Variants in AGBL4 observed in about 807,000 individuals in gnomAD.
AGBL4 encodes AGBL carboxypeptidase 4, also known as cytosolic carboxypeptidase 6.
Under a neutral mutation model 66.4 loss-of-function variants are expected in AGBL4, and 58 were observed. That is an observed-to-expected ratio of 0.87 (90% CI 0.71 to 1.09). AGBL4 has a LOEUF of 1.09. Among genes scored for constraint, AGBL4 ranks in the 50% least tolerant of loss-of-function variants. The probability of loss-of-function intolerance (pLI) is 0.00; values close to 1 mark genes in which losing one functional copy is unlikely to be tolerated. For synonymous variants in AGBL4, 234 were observed against 222.9 expected, an observed-to-expected ratio of 1.05 and a Z score of -0.44; for missense variants, 579 against 631.0, an observed-to-expected ratio of 0.92 and a Z score of 0.88.
At chr1:49,442,739 T>C (rs1646063044) in intron 3 of AGBL4, among the ~76,000 whole-genome samples, 1 of 152,202 alleles carries the variant, frequency 6.6e-6, no homozygotes. Flanking sequence ...ATCCTTTTGA[T>C]ATATTTATTT....
chr1:48,558,459 A>C (rs1394145205), intron 11 of AGBL4, among the ~76,000 whole-genome samples: 1 of 152,196 alleles, frequency 6.6e-6, no homozygotes, highest in Non-Finnish European at 1.5e-5. Flanking sequence ...CTCCACTCAG[A>C]CTGTGGGTGG....
chr1:48,857,723 A>G (rs1256527006), intron 6 of AGBL4, among the ~76,000 whole-genome samples: 1 of 152,208 alleles, frequency 6.6e-6, no homozygotes, highest in Non-Finnish European at 1.5e-5. Context: ...TCTGTCTAAA[A>G]AAAAAAGAGA....
chr1:48,986,268 A>C (rs1660167933), intron 5 of AGBL4, among the ~76,000 whole-genome samples: 1 of 151,974 alleles, frequency 6.6e-6, no homozygotes, highest in South Asian at 2.1e-4. Flanking sequence ...AATAGGTGAA[A>C]TTTTTCCACG....
intron 4 of AGBL4, among the ~76,000 whole-genome samples, chr1:49,130,476 G>A (rs1224270000): frequency 2.6e-5 from 4 of 152,120 alleles, no homozygotes; most frequent in Admixed American, 2.6e-4. Flanking sequence ...AATCCATCTT[G>A]AATTAATTTT....
intron 6 of AGBL4, among the ~76,000 whole-genome samples, chr1:48,670,497 T>C (rs934589383): frequency 2.0e-5 from 3 of 152,152 alleles, no homozygotes; most frequent in African/African-American, 7.2e-5. Flanking sequence ...AGTGATGAGA[T>C]ACAGATCTGA....
At chr1:49,506,785 G>A (rs1393145685) in intron 3 of AGBL4, among the ~76,000 whole-genome samples, 1 of 152,002 alleles carries the variant, frequency 6.6e-6, no homozygotes, top group African/African-American at 2.4e-5. Context: ...CAAAGTCAAT[G>A]TTGCCTATCA....
At chr1:49,026,226 A>G (rs1173696677) in intron 5 of AGBL4, among the ~76,000 whole-genome samples, 1 of 152,188 alleles carries the variant, frequency 6.6e-6, no homozygotes, top group Non-Finnish European at 1.5e-5. Flanking sequence ...CTGCCCTAGA[A>G]GAAGAAAGGG....
intron 6 of AGBL4, among the ~76,000 whole-genome samples, chr1:48,833,722 G>C (rs1261513306): frequency 6.6e-6 from 1 of 152,210 alleles, no homozygotes; most frequent in Non-Finnish European, 1.5e-5. Flanking sequence ...CTGCCAGCTA[G>C]AAGTAAAGGA....
intron 4 of AGBL4, among the ~76,000 whole-genome samples, chr1:49,090,206 T>C (rs940442999): frequency 2.6e-5 from 4 of 152,158 alleles, no homozygotes; most frequent in Non-Finnish European, 5.9e-5. Context: ...TCACCACTCC[T>C]ATTCGATATA....
chr1:49,285,060 C>T (rs1199441680), intron 3 of AGBL4, among the ~76,000 whole-genome samples: 5 of 152,042 alleles, frequency 3.3e-5, no homozygotes, highest in Admixed American at 6.6e-5. Context: ...CCCAAATCAA[C>T]AGAATATACA....
chr1:49,393,057 CAA>C (rs1644883534), intron 3 of AGBL4, among the ~76,000 whole-genome samples: 1 of 151,980 alleles, frequency 6.6e-6, no homozygotes, highest in Non-Finnish European at 1.5e-5. Context: ...CTCTGGGAAA[CAA>C]AGAAAATAAT....
chr1:48,879,991 G>A (rs143338875), intron 5 of AGBL4, among the ~76,000 whole-genome samples: 4 of 151,900 alleles, frequency 2.6e-5, no homozygotes, highest in Admixed American at 1.3e-4. Flanking sequence ...ATAGGTTATT[G>A]GGGGAACAGG....
Position 49,376,730 on chromosome 1 carries a change from G to T in AGBL4, c.283-130866C>A, listed in dbSNP as rs545052564. On this transcript the variant is annotated intron_variant, in intron 3 of 13. Transcript: ENST00000371839. ...TCTCAATCTTTAAGATCATTTTAGA[G>T]GGGATCTTCCCAGAAATCCCCATGG... Among the ~76,000 whole-genome samples the T allele has an allele frequency of 7.2e-5, 11 of 152,084 alleles. No homozygotes were observed. The East Asian group carries it at 1.9e-3, about 27-fold the overall frequency.
chr1:49,401,941 C>A (rs1159361105), intron 3 of AGBL4, among the ~76,000 whole-genome samples: 4 of 152,050 alleles, frequency 2.6e-5, no homozygotes. Context: ...TTCATTTCTT[C>A]TACATTTTCT....
At chr1:49,502,568 A>G (rs1648267075) in intron 3 of AGBL4, among the ~76,000 whole-genome samples, 1 of 152,110 alleles carries the variant, frequency 6.6e-6, no homozygotes, top group Non-Finnish European at 1.5e-5. Context: ...GCTAAGAAGA[A>G]AAAATGATGT....
chr1:49,262,859 T>C (rs542297616), intron 3 of AGBL4, among the ~76,000 whole-genome samples: 24 of 152,296 alleles, frequency 1.6e-4, no homozygotes, highest in African/African-American at 5.5e-4. Context: ...TGTACACGTA[T>C]GTTTATTGCG....
At chr1:49,803,630 T>A (rs1349264849) in intron 2 of AGBL4, among the ~76,000 whole-genome samples, 1 of 152,176 alleles carries the variant, frequency 6.6e-6, no homozygotes, top group African/African-American at 2.4e-5. Flanking sequence ...AGTTTTCTCA[T>A]ATCCAAACTG....
intron 6 of AGBL4, among the ~76,000 whole-genome samples, chr1:48,765,381 C>A (rs1644479665): frequency 6.6e-6 from 1 of 152,178 alleles, no homozygotes; most frequent in Non-Finnish European, 1.5e-5. Flanking sequence ...ACTTTATACT[C>A]ATTAGGATGG....
intron 2 of AGBL4, among the ~76,000 whole-genome samples, chr1:49,726,334 G>C (rs1649030212): frequency 2.6e-5 from 4 of 152,100 alleles, no homozygotes; most frequent in Non-Finnish European, 5.9e-5. Flanking sequence ...GGAGATGCAA[G>C]AGTCAAATCT....
Sources: gnomAD v4.1 joint callset for allele counts (sites outside exome capture counted in the v4.1 genomes callset) on GRCh38, gnomAD v4.1.1 for gene constraint, MANE v1.5 for transcripts, NCBI Gene and HGNC (gene_info 2026-07-23, HGNC 2026-07-21) for gene names.